Variants in NAA50 observed in about 807,000 individuals in gnomAD.
NAA50 encodes N-alpha-acetyltransferase 50.
Under a neutral mutation model 20.7 loss-of-function variants are expected in NAA50, and 7 were observed. The ratio of observed to expected loss-of-function variants is 0.34; its 90% CI spans 0.19 to 0.63. The LOEUF is 0.63. Ranked by LOEUF, NAA50 falls within the 30% of genes least tolerant of loss-of-function variation. The pLI is 0.75. For missense variants in NAA50, 111 were observed against 199.1 expected (o/e 0.56, Z 2.66); for synonymous variants, 54 against 70.6 (o/e 0.77, Z 1.18).
At chr3:113,731,657 C>T (rs187501730) in intron 1 of NAA50, among the ~76,000 whole-genome samples, 1 of 152,288 alleles carries the variant, frequency 6.6e-6, no homozygotes, top group African/African-American at 2.4e-5. Context: ...GCCACTAAAT[C>T]TACTTTCTCT....
chr3:113,728,988 C>CT (rs1336718794), intron 1 of NAA50, among the ~76,000 whole-genome samples: 3,259 of 142,116 alleles, frequency 0.023, 48 homozygotes, highest in East Asian at 0.047. Flanking sequence ...TTTTCCTTTT[C>CT]TTTTTTTTTT....
Position 113,719,005 on chromosome 3 carries a change from A to C in NAA50, c.*2755T>G, listed in dbSNP as rs1168096914. 1 of 152,650 alleles carries C rather than the reference A, an allele frequency of 6.6e-6. No individual in the cohort carries two copies. Among genetic ancestry groups the C allele is most frequent in the East Asian group, 1.9e-4 (1 of 5,202 alleles). 9.5% of individuals were successfully genotyped at this position (152,650 alleles called of 1,614,324 possible). ...TATCACAGATCACTACCAGAACATC[A>C]CATAAGTTTATTTCAGATGTAACAG... On this transcript the variant is annotated 3_prime_UTR_variant, in exon 5 of 5. Coordinates refer to ENST00000240922, the MANE Select transcript of NAA50 (RefSeq NM_025146.4).
intron 1 of NAA50, among the ~76,000 whole-genome samples, chr3:113,738,921 G>A (rs1286218797): frequency 6.6e-6 from 1 of 152,072 alleles, no homozygotes; most frequent in Non-Finnish European, 1.5e-5. Flanking sequence ...GGGCCCTAAT[G>A]TCTCACCCCT....
chr3:113,733,853 C>CAAAA (rs58431115), intron 1 of NAA50, among the ~76,000 whole-genome samples: 95 of 68,000 alleles, frequency 1.4e-3, no homozygotes, highest in Middle Eastern at 0.01. Context: ...ACTCTGTCTC[C>CAAAA]AAAAAAAAAA....
rs755674394 is a variant in NAA50 at position 113,723,499 on chromosome 3, A to G, written c.188T>C (p.Val63Ala). ...DIAVGAVCCR[V>A]DHSQNQKRLY... ...TCTCTTCTGATTCTGTGAATGATCC[A>G]CCCTACAGCATACTGCACCTACAGC... Residue 63 changes from valine (V) to alanine (A), a missense_variant, in exon 3 of 5, where the codon GTG becomes GCG. Coordinates refer to ENST00000240922, the MANE Select transcript of NAA50 (RefSeq NM_025146.4). The G allele has an allele frequency of 1.2e-6, 2 of 1,612,846 alleles. No individual in the cohort carries two copies. Among genetic ancestry groups the G allele is most frequent in the African/African-American group, 2.7e-5 (2 of 74,994 alleles).
rs770154042 is a variant in NAA50 at position 113,720,715 on chromosome 3, TAAAATCA to T, written c.*1038_*1044del. ...TTCTCAAAAATACTATTTTTTCCTA[TAAAATCA>T]AATGCTCAGTGGCCACACTTTTAAC... On this transcript the variant is annotated 3_prime_UTR_variant, in exon 5 of 5. Coordinates refer to ENST00000240922, the MANE Select transcript of NAA50 (RefSeq NM_025146.4). The T allele has an allele frequency of 1.4e-4, 22 of 152,442 alleles. No homozygotes were observed. The highest frequency in any genetic ancestry group is 2.9e-4 in the Non-Finnish European group (20 of 68,000). 9.4% of individuals were successfully genotyped at this position (152,442 alleles called of 1,614,324 possible). A position where few individuals can be genotyped will look rare whatever the true frequency, so the allele number is the denominator to read the frequency against.
chr3:113,734,383 G>A (rs1416663545), intron 1 of NAA50, among the ~76,000 whole-genome samples: 1 of 152,034 alleles, frequency 6.6e-6, no homozygotes, highest in Non-Finnish European at 1.5e-5. Flanking sequence ...AAGATCAATT[G>A]TACACTAAAC....
At position 113,719,996 on chromosome 3, in the gene NAA50, CT is replaced by C. The variant is rs149220995; in HGVS notation, c.*1763del. The C allele has an allele frequency of 1.8e-4, 27 of 152,744 alleles. No individual in the cohort carries two copies. The highest frequency in any genetic ancestry group is 3.7e-4 in the Non-Finnish European group (25 of 68,012). The allele number at this position is 152,744 out of a possible 1,614,324, so 9.5% of individuals were successfully genotyped here. ...GAAGATAAAGGTGCTTAACGCTAAA[CT>C]TTTCTTCTAAGCTTAGATTTGGATT... On this transcript the variant is annotated 3_prime_UTR_variant, in exon 5 of 5. Transcript: ENST00000240922.
At chr3:113,743,052 A>G (rs1321862525) in intron 1 of NAA50, among the ~76,000 whole-genome samples, 4 of 152,194 alleles carry the variant, frequency 2.6e-5, no homozygotes, top group African/African-American at 9.7e-5. Context: ...AACATTTCCT[A>G]GTATATCTCA....
intron 1 of NAA50, among the ~76,000 whole-genome samples, chr3:113,726,085 C>G (rs1199314149): frequency 6.6e-6 from 1 of 152,168 alleles, no homozygotes; most frequent in Non-Finnish European, 1.5e-5. Flanking sequence ...TTTTATACCA[C>G]TAATCTGTAT....
Position 113,723,459 on chromosome 3 carries a change from T to G in NAA50, c.228A>C (p.Thr76=), listed in dbSNP as rs774731966. The change falls in exon 3 of 5, where the codon ACA becomes ACC. Residue 76 remains threonine (T), a synonymous_variant. Transcript: ENST00000240922. The stretch of plus-strand genomic sequence containing the variant: ...TTCGGTAAGGTGCCAGACATCCTAG[T>G]GTCATGATGTAAAGTCTCTTCTGAT... ...SQNQKRLYIM[T]LGCLAPYRRL... 1.2e-6 allele frequency: 2 copies of G among 1,612,898 alleles called. No homozygotes were observed. The highest frequency in any genetic ancestry group is 1.7e-6 in the Non-Finnish European group (2 of 1,179,314).
Position 113,718,540 on chromosome 3 carries a change from G to GA in NAA50, c.*3219dup, listed in dbSNP as rs1335862202. On this transcript the variant is annotated 3_prime_UTR_variant, in exon 5 of 5. Transcript: ENST00000240922. ...ATATTAAATACTGAATTCTGTTAAAGAAAAAATCTTAAATTCATGTTTGAT... is the reference window on the plus strand; with the variant it reads ...ATATTAAATACTGAATTCTGTTAAAGAAAAAAATCTTAAATTCATGTTTGAT... 2.6e-5 allele frequency: 4 copies of GA among 152,100 alleles called. No homozygotes were observed. Among genetic ancestry groups the GA allele is most frequent in the African/African-American group, 4.8e-5 (2 of 41,432 alleles). 9.4% of individuals were successfully genotyped at this position (152,100 alleles called of 1,614,324 possible).
In NAA50 at chr3:113,746,147, G is replaced by C. The variant is rs2107999622; in HGVS notation, c.-198C>G. 1 of 594,930 alleles carries C rather than the reference G, an allele frequency of 1.7e-6. No individual in the cohort carries two copies. Among genetic ancestry groups the C allele is most frequent in the Non-Finnish European group, 2.8e-6 (1 of 356,606 alleles). 36.9% of individuals were successfully genotyped at this position (594,930 alleles called of 1,614,324 possible). A position where few individuals can be genotyped will look rare whatever the true frequency, so the allele number is the denominator to read the frequency against. ...TCTGGTGGGGGCGGGAGTGTCTCCC[G>C]CCGCCGCGCTTGTGCCGCCGCTTCT... is the stretch of plus-strand genomic sequence containing the variant. On this transcript the variant is annotated 5_prime_UTR_variant, in exon 1 of 5. Transcript: ENST00000240922.
At chr3:113,722,570 T>C (rs1459189149) in intron 4 of NAA50, among the ~76,000 whole-genome samples, 1 of 152,108 alleles carries the variant, frequency 6.6e-6, no homozygotes, top group Non-Finnish European at 1.5e-5. Context: ...GCTATCAACA[T>C]AGCCTTGAAC....
rs12496604 is a variant in NAA50 at position 113,738,563 on chromosome 3, G to C, written c.8+7379C>G. ...CAAAATAGAACTGGCACACAAGCTA[G>C]AATCTTTGGCCATTCCTATTCAGAT... On this transcript the variant is annotated intron_variant, in intron 1 of 4. Transcript: ENST00000240922. 4.7e-3 allele frequency among the ~76,000 whole-genome samples: 710 copies of C among 152,286 alleles called. 15 individuals are homozygous for C. The highest frequency in any genetic ancestry group is 0.034 in the Admixed American group (514 of 15,298).
intron 1 of NAA50, among the ~76,000 whole-genome samples, chr3:113,743,818 G>A (rs1441079125): frequency 1.3e-5 from 2 of 152,154 alleles, no homozygotes; most frequent in African/African-American, 4.8e-5. Context: ...TATTTCTAGG[G>A]ATCTGCCTTC....
At chr3:113,743,630 GAGTT>G (rs1425666111) in intron 1 of NAA50, among the ~76,000 whole-genome samples, 1 of 152,192 alleles carries the variant, frequency 6.6e-6, no homozygotes. Context: ...TCTCATCTGG[GAGTT>G]AGTTCATTTG....
At chr3:113,738,676 ATAAAAC>A (rs1242636905) in intron 1 of NAA50, among the ~76,000 whole-genome samples, 1 of 152,272 alleles carries the variant, frequency 6.6e-6, no homozygotes, top group African/African-American at 2.4e-5. Flanking sequence ...TTTGTGGTAC[ATAAAAC>A]TAAAACTTGG....
At chr3:113,742,708 T>C (rs1461816618) in intron 1 of NAA50, among the ~76,000 whole-genome samples, 1 of 152,198 alleles carries the variant, frequency 6.6e-6, no homozygotes, top group Non-Finnish European at 1.5e-5. Flanking sequence ...GTAAAATGGC[T>C]CCCTTTACTA....
Sources: gnomAD v4.1 joint callset for allele counts (sites outside exome capture counted in the v4.1 genomes callset) on GRCh38, gnomAD v4.1.1 for gene constraint, MANE v1.5 for transcripts, NCBI Gene and HGNC (gene_info 2026-07-23, HGNC 2026-07-21) for gene names.